Variants in GABRB1 observed in about 807,000 individuals in gnomAD.
The protein encoded by GABRB1 is gamma-aminobutyric acid receptor subunit beta-1.
In GABRB1, 17 loss-of-function variants were observed where a neutral mutation model predicts 51.6. The observed-to-expected ratio is 0.33, with a 90% confidence interval of 0.23 to 0.49. The LOEUF (loss-of-function observed/expected upper bound fraction) is 0.49, where lower values mean the gene tolerates loss of function less well. Among genes scored for constraint, GABRB1 ranks in the 20% least tolerant of loss-of-function variants. The pLI, the probability that GABRB1 is intolerant of heterozygous loss-of-function variation, is 0.99. For missense variants in GABRB1, 410 were observed against 600.6 expected, an observed-to-expected ratio of 0.68 and a Z score of 3.32; for synonymous variants, 247 against 218.9, an observed-to-expected ratio of 1.13 and a Z score of -1.14.
intron 4 of GABRB1, among the ~76,000 whole-genome samples, chr4:47,280,176 T>C (rs755501578): frequency 2.0e-5 from 3 of 151,984 alleles, no homozygotes; most frequent in African/African-American, 4.8e-5. Context: ...GATTTTTCTT[T>C]TGTGGTTATT....
intron 5 of GABRB1, among the ~76,000 whole-genome samples, chr4:47,368,753 C>T (rs1727080666): frequency 6.6e-6 from 1 of 151,970 alleles, no homozygotes; most frequent in African/African-American, 2.4e-5. Context: ...CAGTGTATGA[C>T]CACTAACATT....
intron 4 of GABRB1, among the ~76,000 whole-genome samples, chr4:47,223,500 G>A (rs1720841341): frequency 1.3e-5 from 2 of 151,964 alleles, no homozygotes; most frequent in Non-Finnish European, 2.9e-5. Context: ...CTTTATTTGG[G>A]CTTTTTAAAT....
At chr4:47,104,030 G>C (rs1714839209) in intron 3 of GABRB1, among the ~76,000 whole-genome samples, 1 of 151,716 alleles carries the variant, frequency 6.6e-6, no homozygotes, top group African/African-American at 2.4e-5. Context: ...GTTCCTGTCT[G>C]GTATCAGATT....
At chr4:47,340,397 G>A (rs929065671) in intron 5 of GABRB1, among the ~76,000 whole-genome samples, 1 of 152,036 alleles carries the variant, frequency 6.6e-6, no homozygotes, top group African/African-American at 2.4e-5. Context: ...CAAATCTGGT[G>A]CTGTCTTAGT....
chr4:47,207,903 A>C (rs1720199583), intron 4 of GABRB1, among the ~76,000 whole-genome samples: 1 of 152,114 alleles, frequency 6.6e-6, no homozygotes. Context: ...TGTAGTCTTT[A>C]GATGTTATTA....
upstream of GABRB1, among the ~76,000 whole-genome samples, chr4:47,030,429 TA>T: frequency 6.6e-6 from 1 of 152,300 alleles, no homozygotes; most frequent in South Asian, 2.1e-4. Context: ...CTTTCCCTCA[TA>T]AAAGTAAGCA....
chr4:47,383,673 A>G (rs1350675832), intron 5 of GABRB1, among the ~76,000 whole-genome samples: 1 of 152,204 alleles, frequency 6.6e-6, no homozygotes, highest in East Asian at 1.9e-4. Flanking sequence ...ATTAATATGC[A>G]TAGCTAAAAT....
intron 3 of GABRB1, among the ~76,000 whole-genome samples, chr4:47,093,002 G>T (rs1376778155): frequency 1.3e-5 from 2 of 152,160 alleles, no homozygotes; most frequent in East Asian, 3.9e-4. Context: ...AAAAAGAGAT[G>T]AGTAACATAC....
At chr4:47,014,047 C>T (rs1724663687) in intron 1 of GABRB1, among the ~76,000 whole-genome samples, 1 of 151,980 alleles carries the variant, frequency 6.6e-6, no homozygotes, top group South Asian at 2.1e-4. Flanking sequence ...ATTTATCTCA[C>T]CTTGAGTACA....
At chr4:47,092,165 C>CTTTTT (rs869057256) in intron 3 of GABRB1, among the ~76,000 whole-genome samples, 48 of 60,488 alleles carry the variant, frequency 7.9e-4, no homozygotes, top group East Asian at 3.1e-3. Flanking sequence ...TTCTTTCTTT[C>CTTTTT]TTTTTTTTTT....
intron 3 of GABRB1, among the ~76,000 whole-genome samples, chr4:47,062,466 T>A (rs1726885502): frequency 6.6e-6 from 1 of 150,928 alleles, no homozygotes; most frequent in Admixed American, 6.6e-5. Context: ...TATATTTAAA[T>A]GTTAACTTGT....
chr4:47,268,835 A>G (rs1423935073), intron 4 of GABRB1, among the ~76,000 whole-genome samples: 1 of 152,196 alleles, frequency 6.6e-6, no homozygotes, highest in Non-Finnish European at 1.5e-5. Flanking sequence ...TGATTGACTA[A>G]AGGGAGGATA....
At chr4:47,388,061 C>A (rs1184042467) in intron 5 of GABRB1, among the ~76,000 whole-genome samples, 1 of 152,094 alleles carries the variant, frequency 6.6e-6, no homozygotes, top group Non-Finnish European at 1.5e-5. Context: ...GCATTATAGG[C>A]AAAGTGTCTA....
At chr4:47,257,798 T>C (rs915284695) in intron 4 of GABRB1, among the ~76,000 whole-genome samples, 5 of 151,960 alleles carry the variant, frequency 3.3e-5, no homozygotes, top group Non-Finnish European at 7.4e-5. Flanking sequence ...TGACCATATA[T>C]GACACTGAGA....
chr4:47,253,934 T>C (rs1722083392), intron 4 of GABRB1, among the ~76,000 whole-genome samples: 1 of 152,226 alleles, frequency 6.6e-6, no homozygotes, highest in South Asian at 2.1e-4. Context: ...ATCATTAACG[T>C]GATTCCATAA....
At chr4:46,998,803 A>G (rs944106154) in intron 1 of GABRB1, among the ~76,000 whole-genome samples, 2 of 151,920 alleles carry the variant, frequency 1.3e-5, no homozygotes, top group Admixed American at 6.6e-5. Context: ...AATACATTTA[A>G]TAACTACTTT....
intron 8 of GABRB1, among the ~76,000 whole-genome samples, chr4:47,424,878 A>G (rs1050284529): frequency 3.3e-5 from 5 of 152,250 alleles, no homozygotes; most frequent in Admixed American, 6.5e-5. Flanking sequence ...TGGGATAGGT[A>G]TCACTGGAAC....
At chr4:47,034,067 T>A (rs1291725067) in intron 3 of GABRB1, among the ~76,000 whole-genome samples, 1 of 152,216 alleles carries the variant, frequency 6.6e-6, no homozygotes, top group Non-Finnish European at 1.5e-5. Context: ...TGTAGATTAA[T>A]AATGTTAATA....
intron 4 of GABRB1, among the ~76,000 whole-genome samples, chr4:47,180,218 A>G (rs1718886750): frequency 1.3e-5 from 2 of 152,032 alleles, no homozygotes; most frequent in African/African-American, 2.4e-5. Flanking sequence ...TCCCATTCAC[A>G]TAGTGGAAGA....
Sources: allele counts gnomAD v4.1 joint callset (sites outside exome capture counted in the v4.1 genomes callset), GRCh38; gene constraint gnomAD v4.1.1; transcripts MANE v1.5; gene names NCBI Gene and HGNC (gene_info 2026-07-23, HGNC 2026-07-21).